ZNF462: variants seen among roughly 807,000 people sequenced by gnomAD.
The protein encoded by ZNF462 is zinc finger protein 462, also known as zinc finger PBX1-interacting protein.
Under a neutral mutation model 201.9 loss-of-function variants are expected in ZNF462, and 10 were observed. That is an observed-to-expected ratio of 0.05 (90% confidence interval 0.03 to 0.08). The LOEUF (loss-of-function observed/expected upper bound fraction) is 0.08. Ranked by LOEUF, ZNF462 falls within the 10% of genes least tolerant of loss-of-function variation. The pLI, the probability that ZNF462 is intolerant of heterozygous loss-of-function variation, is 1.00. For missense variants in ZNF462, 2,523 were observed against 3,168.3 expected (o/e 0.80, Z 4.89); for synonymous variants, 1,227 against 1,193.3 (o/e 1.03, Z -0.58).
In ZNF462 at chr9:107,005,100, TTATC is replaced by T. The variant is rs1418921563; in HGVS notation, c.7189+1675_7189+1678del. Among the ~76,000 whole-genome samples the T allele has an allele frequency of 6.6e-6, 1 of 152,198 alleles. No individual in the cohort carries two copies. Among genetic ancestry groups the T allele is most frequent in the Non-Finnish European group, 1.5e-5 (1 of 68,030 alleles). Reference sequence around the variant, plus strand: ...CATGTGTGTATATACCACATTTTCTTTATCCATTCATTTATTGATGGACACCTAG... The same window carrying T: ...CATGTGTGTATATACCACATTTTCTTCATTCATTTATTGATGGACACCTAG... On this transcript the variant is annotated intron_variant, in intron 11 of 12. Coordinates refer to ENST00000277225, the MANE Select transcript of ZNF462 (RefSeq NM_021224.6). This position sits in a 1 kb window ranked among gnomAD's most constrained non-coding sequence, Gnocchi z 4.4.
chr9:106,957,561 A>G (rs979998529), intron 7 of ZNF462, among the ~76,000 whole-genome samples: 1 of 152,172 alleles, frequency 6.6e-6, no homozygotes, highest in Non-Finnish European at 1.5e-5. Flanking sequence ...TTTGTAGTGC[A>G]ATAAAGCATA....
chr9:106,896,410 T>C (rs1461790367), intron 1 of ZNF462, among the ~76,000 whole-genome samples: 1 of 152,018 alleles, frequency 6.6e-6, no homozygotes, highest in Non-Finnish European at 1.5e-5. Context: ...TGAGGTAGAG[T>C]GGACCTTAGC....
intron 1 of ZNF462, among the ~76,000 whole-genome samples, chr9:106,915,745 G>C (rs549089629): frequency 1.3e-5 from 2 of 152,130 alleles, no homozygotes; most frequent in Non-Finnish European, 2.9e-5. Context: ...AAGCATTTAC[G>C]GTCTATATAG....
rs553746582 is a variant in ZNF462, at chr9:106,966,301, A to AT, written c.6428-5696dup. ...TTCTTTACCCTAGGGAAATTAAGTC[A>AT]TTTTTTTTCATTGTGATAATAATGT... On this transcript the variant is annotated intron_variant, in intron 7 of 12. Coordinates refer to ENST00000277225, the MANE Select transcript of ZNF462 (RefSeq NM_021224.6). This position sits in a 1 kb window ranked among gnomAD's most constrained non-coding sequence, Gnocchi z 4.4. 4.7e-4 allele frequency among the ~76,000 whole-genome samples: 71 copies of AT among 151,818 alleles called. No individual in the cohort carries two copies. The highest frequency in any genetic ancestry group is 3.4e-3 in the Middle Eastern group (1 of 294).
intron 7 of ZNF462, among the ~76,000 whole-genome samples, chr9:106,940,858 A>G (rs762128725): frequency 1.8e-4 from 27 of 152,042 alleles, no homozygotes; most frequent in African/African-American, 4.1e-4. Context: ...GAAATCTTCT[A>G]TTCACCAGGA....
chr9:106,879,927 T>C (rs1828017794), intron 1 of ZNF462, among the ~76,000 whole-genome samples: 1 of 152,176 alleles, frequency 6.6e-6, no homozygotes, highest in Non-Finnish European at 1.5e-5. Flanking sequence ...TACACTTGGC[T>C]GGATATTCAG....
Position 106,880,439 on chromosome 9 carries a change from C to T in ZNF462, c.-31+17084C>T, listed in dbSNP as rs1468703803. Among the ~76,000 whole-genome samples the T allele has an allele frequency of 1.3e-5, 2 of 152,216 alleles. No homozygotes were observed. The highest frequency in any genetic ancestry group is 2.4e-5 in the African/African-American group (1 of 41,456). The stretch of plus-strand genomic sequence containing the variant: ...AAGTGGTGTTGGCTAAATGTAGGTA[C>T]GAGGGCTGCATTAAACCAGTGAGAA... On this transcript the variant is annotated intron_variant, in intron 1 of 12. Transcript: ENST00000277225. This position sits in a 1 kb window ranked among gnomAD's most constrained non-coding sequence, Gnocchi z 4.1.
chr9:106,995,545 C>A (rs550673581), intron 10 of ZNF462: 17 of 152,212 alleles, frequency 1.1e-4, no homozygotes, highest in Admixed American at 9.8e-4. Context: ...ATGGGAAAAG[C>A]TTGAGCTGTG....
At chr9:106,903,113 C>T (rs1432693796) in intron 1 of ZNF462, among the ~76,000 whole-genome samples, 2 of 151,972 alleles carry the variant, frequency 1.3e-5, no homozygotes, top group African/African-American at 2.4e-5. Flanking sequence ...TGCTTTGTCC[C>T]AGAGGTTTTG....
rs1292749117 is a variant in ZNF462 at position 106,972,321 on chromosome 9, T to C, written c.6695+49T>C. On this transcript the variant is annotated intron_variant, in intron 8 of 12. Coordinates refer to ENST00000277225, the MANE Select transcript of ZNF462 (RefSeq NM_021224.6). This position sits in a 1 kb window ranked among gnomAD's most constrained non-coding sequence, Gnocchi z 4.8. ...TGGAAAACAAGGCGGCCGCCCCTGC[T>C]CCACCCCTCACTGCAGGCTTCCCTT... 2 of 1,579,874 alleles carry C rather than the reference T, an allele frequency of 1.3e-6. No homozygotes were observed. The highest frequency in any genetic ancestry group is 1.7e-6 in the Non-Finnish European group (2 of 1,162,590).
chr9:107,001,763 AAAAC>A (rs983761689), intron 10 of ZNF462, among the ~76,000 whole-genome samples: 5 of 152,160 alleles, frequency 3.3e-5, no homozygotes, highest in African/African-American at 1.2e-4. Flanking sequence ...TTAATTGAGA[AAAAC>A]AAGAAGTTGC....
At chr9:106,899,193 GGAGAGA>G (rs143076514) in intron 1 of ZNF462, among the ~76,000 whole-genome samples, 41 of 134,990 alleles carry the variant, frequency 3.0e-4, no homozygotes, top group Non-Finnish European at 1.6e-4. Flanking sequence ...AGAGGGACAT[GGAGAGA>G]GAGAGAGAGA....
In ZNF462 at chr9:106,920,025, T is replaced by C. The variant is rs1044056126; in HGVS notation, c.-30-3329T>C. The stretch of plus-strand genomic sequence containing the variant: ...TATTATTAAATGAAGTCAATAGATA[T>C]GAGATCAAAGCTTTTAACTTAAAAT... On this transcript the variant is annotated intron_variant, in intron 1 of 12. Transcript: ENST00000277225. This position sits in a 1 kb window ranked among gnomAD's most constrained non-coding sequence, Gnocchi z 4.3. Among the ~76,000 whole-genome samples, 1 of 152,198 alleles carries C rather than the reference T, an allele frequency of 6.6e-6. No individual in the cohort carries two copies. The highest frequency in any genetic ancestry group is 2.1e-4 in the South Asian group (1 of 4,834).
chr9:106,997,582 AG>A (rs1235527782), intron 10 of ZNF462, among the ~76,000 whole-genome samples: 1 of 152,182 alleles, frequency 6.6e-6, no homozygotes, highest in Non-Finnish European at 1.5e-5. Flanking sequence ...ACTCTAATTG[AG>A]GTGCTCTTAT....
rs1366342129 is a variant in ZNF462 at position 106,909,031 on chromosome 9, C to T, written c.-30-14323C>T. Among the ~76,000 whole-genome samples, 16 of 131,428 alleles carry T rather than the reference C, an allele frequency of 1.2e-4. No individual in the cohort carries two copies. The South Asian group carries it at 1.4e-3, about 11-fold the overall frequency. The allele number at this position is 131,428 out of a possible 152,430, so 86.2% of individuals were successfully genotyped here. The stretch of plus-strand genomic sequence containing the variant: ...AGACAAGAGTGCAGTGACATGATCT[C>T]GGCTCACTGCAACCTCTGCCTCCCA... On this transcript the variant is annotated intron_variant, in intron 1 of 12. Coordinates refer to ENST00000277225, the MANE Select transcript of ZNF462 (RefSeq NM_021224.6).
At chr9:106,931,506 A>C (rs1335473646) in intron 4 of ZNF462, among the ~76,000 whole-genome samples, 1 of 152,140 alleles carries the variant, frequency 6.6e-6, no homozygotes, top group Non-Finnish European at 1.5e-5. Flanking sequence ...CATGAAGATA[A>C]AGTCTCTACT....
Position 106,978,509 on chromosome 9 carries a change from G to A in ZNF462, c.6832+4236G>A, listed in dbSNP as rs139410248. ...TTAGCAAAGGTTGAAGCAAAGGATT[G>A]GTAGACCCATCTCATTCAGGAACTG... On this transcript the variant is annotated intron_variant, in intron 9 of 12. Coordinates refer to ENST00000277225, the MANE Select transcript of ZNF462 (RefSeq NM_021224.6). The surrounding 1 kb of genome is among the most constrained non-coding windows in gnomAD (Gnocchi z 4.1). Among the ~76,000 whole-genome samples, 56 of 151,636 alleles carry A rather than the reference G, an allele frequency of 3.7e-4. No individual in the cohort carries two copies. The East Asian group carries it at 8.9e-3, about 24-fold the overall frequency.
chr9:106,931,532 C>T (rs553278619), intron 4 of ZNF462, among the ~76,000 whole-genome samples: 16 of 152,310 alleles, frequency 1.1e-4, no homozygotes, highest in African/African-American at 3.4e-4. Context: ...TCACTGAAGA[C>T]TGAAGCTTTC....
intron 9 of ZNF462, among the ~76,000 whole-genome samples, chr9:106,982,585 G>A (rs559240722): frequency 2.0e-4 from 30 of 152,178 alleles, no homozygotes; most frequent in African/African-American, 7.2e-4. Context: ...ATAATCATGT[G>A]TTTCTTAGCT....
Sources: gnomAD v4.1 joint callset for allele counts (sites outside exome capture counted in the v4.1 genomes callset) on GRCh38, gnomAD v4.1.1 for gene constraint, Gnocchi (gnomAD v3.1) non-coding constraint, MANE v1.5 for transcripts, NCBI Gene and HGNC (gene_info 2026-07-23, HGNC 2026-07-21) for gene names.